NRXN1: variants seen among roughly 807,000 people sequenced by gnomAD.
NRXN1 encodes the protein neurexin 1.
Under a neutral mutation model 150.9 loss-of-function variants are expected in NRXN1, and 39 were observed. That is an observed-to-expected ratio of 0.26 (90% confidence interval 0.20 to 0.34). The LOEUF (loss-of-function observed/expected upper bound fraction) is 0.34, where lower values mean the gene tolerates loss of function less well. NRXN1 is among the 10% of genes least tolerant of loss of function. The probability of loss-of-function intolerance (pLI) is 1.00; values close to 1 mark genes in which losing one functional copy is unlikely to be tolerated. For synonymous variants in NRXN1, 924 were observed against 757.0 expected (o/e 1.22, Z -3.62); for missense variants, 1,815 against 1,949.9 (o/e 0.93, Z 1.30).
At chr2:50,610,642 C>CATATATAT (rs71404969) in intron 8 of NRXN1, among the ~76,000 whole-genome samples, 1,713 of 42,756 alleles carry the variant, frequency 0.04, 179 homozygotes, top group South Asian at 0.046. Flanking sequence ...TAAATAGATA[C>CATATATAT]ATATATATAT....
chr2:50,756,783 T>C (rs889835682), intron 5 of NRXN1, among the ~76,000 whole-genome samples: 2 of 151,818 alleles, frequency 1.3e-5, no homozygotes, highest in South Asian at 2.1e-4. Context: ...ACATAAAAGA[T>C]TAAGTTATAA....
chr2:50,998,226 A>G (rs12617006), intron 2 of NRXN1, among the ~76,000 whole-genome samples: 78,422 of 139,908 alleles, frequency 0.56, 26,378 homozygotes, highest in East Asian at 0.71. Context: ...TTTATCAGAG[A>G]CAATACTGAT....
chr2:50,138,551 A>G (rs1378476251), intron 18 of NRXN1, among the ~76,000 whole-genome samples: 1 of 152,210 alleles, frequency 6.6e-6, no homozygotes, highest in Non-Finnish European at 1.5e-5. Context: ...ATCTGTGACA[A>G]TAGAATTCAA....
chr2:50,086,823 AG>A (rs1698840928), intron 19 of NRXN1, among the ~76,000 whole-genome samples: 1 of 48,108 alleles, frequency 2.1e-5, no homozygotes, highest in Non-Finnish European at 4.7e-5. Flanking sequence ...GAGAAGAATG[AG>A]AGAGAGAGAG....
intron 18 of NRXN1, among the ~76,000 whole-genome samples, chr2:50,194,456 C>G (rs2061633229): frequency 6.6e-6 from 1 of 152,070 alleles, no homozygotes; most frequent in Non-Finnish European, 1.5e-5. Flanking sequence ...CGTGGACTGC[C>G]AATTTGCTTT....
intron 18 of NRXN1, among the ~76,000 whole-genome samples, chr2:50,225,034 G>A (rs2064239358): frequency 1.3e-5 from 2 of 151,924 alleles, no homozygotes; most frequent in Non-Finnish European, 2.9e-5. Flanking sequence ...CCTTTCATAA[G>A]AAAATAACAC....
chr2:50,497,325 G>T lies in NRXN1; in HGVS notation c.2879+8C>A. Reference sequence around the variant, plus strand: ...TATTTATTTGCTATTGAACAGGCATGTACTCACCCTTTAACTAATTCAACC... The same window carrying T: ...TATTTATTTGCTATTGAACAGGCATTTACTCACCCTTTAACTAATTCAACC... On this transcript the variant is annotated splice_region_variant and intron_variant, in intron 14 of 22. Transcript: ENST00000401669. The T allele has an allele frequency of 6.6e-7, 1 of 1,519,158 alleles. No individual in the cohort carries two copies. The highest frequency in any genetic ancestry group is 1.3e-5 in the South Asian group (1 of 75,398). 94.1% of individuals were successfully genotyped at this position (1,519,158 alleles called of 1,614,324 possible).
At chr2:50,125,700 A>G (rs1398592058) in intron 18 of NRXN1, among the ~76,000 whole-genome samples, 1 of 152,146 alleles carries the variant, frequency 6.6e-6, no homozygotes, top group Non-Finnish European at 1.5e-5. Context: ...TGGGACATGA[A>G]TACCAAGTTG....
Position 50,886,731 on chromosome 2 carries a change from T to G in NRXN1, c.832+35138A>C, listed in dbSNP as rs189532011. ...GTAAGCTGACTGAACAGTCATGAGA[T>G]TATTTGCTCATATACTGCCTGGCAA... On this transcript the variant is annotated intron_variant, in intron 5 of 22. Transcript: ENST00000401669. Among the ~76,000 whole-genome samples the G allele has an allele frequency of 3.3e-3, 504 of 151,552 alleles. 3 individuals carry two copies. Among genetic ancestry groups the G allele is most frequent in the African/African-American group, 0.011 (458 of 41,482 alleles).
intron 17 of NRXN1, among the ~76,000 whole-genome samples, chr2:50,285,539 G>A (rs1025970453): frequency 5.3e-5 from 8 of 152,168 alleles, no homozygotes; most frequent in African/African-American, 1.4e-4. Flanking sequence ...CAAATATGGG[G>A]AAAACATGCA....
intron 2 of NRXN1, among the ~76,000 whole-genome samples, chr2:50,942,666 C>T (rs1689652175): frequency 6.6e-6 from 1 of 152,186 alleles, no homozygotes; most frequent in Non-Finnish European, 1.5e-5. Context: ...GCCAATTCCT[C>T]CCATTTGGAA....
intron 21 of NRXN1, chr2:49,969,793 T>A (rs1677632400): frequency 6.6e-6 from 1 of 152,080 alleles, no homozygotes. Flanking sequence ...TTGAACGATG[T>A]TAAGTCAGCC....
At chr2:50,510,485 C>CAAAAAA (rs540578029) in intron 12 of NRXN1, among the ~76,000 whole-genome samples, 12 of 39,690 alleles carry the variant, frequency 3.0e-4, no homozygotes, top group African/African-American at 5.0e-4. Flanking sequence ...GACTCCATCT[C>CAAAAAA]AAAAAAAAAA....
intron 5 of NRXN1, chr2:50,637,577 T>C (rs1322968932): frequency 6.6e-6 from 1 of 152,236 alleles, no homozygotes; most frequent in African/African-American, 2.4e-5. Flanking sequence ...ATACTCTGGG[T>C]AAACCCAAAC....
At chr2:50,245,982 A>G (rs1445193306) in intron 17 of NRXN1, among the ~76,000 whole-genome samples, 1 of 151,992 alleles carries the variant, frequency 6.6e-6, no homozygotes, top group African/African-American at 2.4e-5. Context: ...AGAAAAATAA[A>G]TTATAATTCA....
At chr2:51,016,140 T>C (rs966427897) in intron 2 of NRXN1, among the ~76,000 whole-genome samples, 4 of 151,654 alleles carry the variant, frequency 2.6e-5, no homozygotes, top group Admixed American at 2.6e-4. Context: ...CCCTATTTAA[T>C]AAACCATAAA....
At chr2:50,283,639 A>G (rs2071749177) in intron 17 of NRXN1, among the ~76,000 whole-genome samples, 1 of 152,182 alleles carries the variant, frequency 6.6e-6, no homozygotes, top group Non-Finnish European at 1.5e-5. Flanking sequence ...TCTCCTATAT[A>G]TCAGTGATTA....
intron 5 of NRXN1, among the ~76,000 whole-genome samples, chr2:50,737,495 A>G (rs1012362137): frequency 6.6e-6 from 1 of 152,208 alleles, no homozygotes; most frequent in Admixed American, 6.5e-5. Context: ...AAAGTGTTTT[A>G]AAATGTAAAT....
chr2:50,618,918 T>G (rs1679493360), intron 8 of NRXN1, among the ~76,000 whole-genome samples: 1 of 152,084 alleles, frequency 6.6e-6, no homozygotes, highest in Middle Eastern at 3.2e-3. Context: ...TGGGTAGGTT[T>G]GGCCTTTCAG....
Sources: gnomAD v4.1 joint callset for allele counts (sites outside exome capture counted in the v4.1 genomes callset) on GRCh38, gnomAD v4.1.1 for gene constraint, MANE v1.5 for transcripts, NCBI Gene and HGNC (gene_info 2026-07-23, HGNC 2026-07-21) for gene names.